Variants in TCERG1L observed in about 807,000 individuals in gnomAD.
The protein encoded by TCERG1L is transcription elongation regulator 1 like.
TCERG1L carries 37 observed loss-of-function variants against 56.3 expected under a neutral mutation model. The ratio of observed to expected loss-of-function variants is 0.66; its 90% CI spans 0.51 to 0.87. The LOEUF (loss-of-function observed/expected upper bound fraction) is 0.87, where lower values mean the gene tolerates loss of function less well. Ranked by LOEUF, TCERG1L falls within the 40% of genes least tolerant of loss-of-function variation. The pLI is 0.00. For missense variants in TCERG1L, 799 were observed against 774.2 expected (o/e 1.03, Z -0.38); for synonymous variants, 324 against 326.3 (o/e 0.99, Z 0.08).
At chr10:131,172,907 G>C (rs866983969) in intron 4 of TCERG1L, among the ~76,000 whole-genome samples, 1 of 58,406 alleles carries the variant, frequency 1.7e-5, no homozygotes, top group Admixed American at 1.7e-4. Flanking sequence ...TTTTTTTTTT[G>C]AGATGGAGTT....
At position 131,260,169 on chromosome 10, in the gene TCERG1L, G is replaced by A. The variant is rs541968298; in HGVS notation, c.856+90C>T. On this transcript the variant is annotated intron_variant, in intron 4 of 11. Transcript: ENST00000368642. This position sits in a 1 kb window ranked among gnomAD's most constrained non-coding sequence, Gnocchi z 5.8. ...GGAGCCGGGCTTCAGGTCCCACAGCGCCTGGGCCCAGGCCAGGGGCATCTA... is the reference window on the plus strand; with the variant it reads ...GGAGCCGGGCTTCAGGTCCCACAGCACCTGGGCCCAGGCCAGGGGCATCTA... 3.9e-5 allele frequency: 48 copies of A among 1,246,154 alleles called. No homozygotes were observed. The highest frequency in any genetic ancestry group is 4.3e-5 in the Non-Finnish European group (43 of 994,868). 77.2% of individuals were successfully genotyped at this position (1,246,154 alleles called of 1,614,324 possible). A position where few individuals can be genotyped will look rare whatever the true frequency, so the allele number is the denominator to read the frequency against.
Position 131,260,312 on chromosome 10 carries a change from T to G in TCERG1L, c.803A>C (p.His268Pro), listed in dbSNP as rs762386085. The change falls in exon 4 of 12, where the codon CAC becomes CCC. Residue 268 changes from histidine to proline, a missense_variant. Coordinates refer to ENST00000368642, the MANE Select transcript of TCERG1L (RefSeq NM_174937.4). The surrounding 1 kb of genome is among the most constrained non-coding windows in gnomAD (Gnocchi z 5.8). ...GPSPSSVQPR[H>P]FLTLAPIKIP... ...TTTGATGGGTGCCAAGGTCAGGAAG[T>G]GGCGCGGCTGCACGCTGGAGGGGGA... 2.1e-6 allele frequency: 3 copies of G among 1,445,798 alleles called. No individual in the cohort carries two copies. Among genetic ancestry groups the G allele is most frequent in the East Asian group, 5.5e-5 (2 of 36,168 alleles). The allele number at this position is 1,445,798 out of a possible 1,614,324, so 89.6% of individuals were successfully genotyped here.
chr10:131,298,957 C>T lies in TCERG1L; in HGVS notation c.670+9254G>A, dbSNP rs183964564. On this transcript the variant is annotated intron_variant, in intron 3 of 11. Coordinates refer to ENST00000368642, the MANE Select transcript of TCERG1L (RefSeq NM_174937.4). ...ATGCTGAAATCTCCAACTGTAAACA[C>T]GATTGTCTATTTTTTTGTTCTGTTC... 5.7e-4 allele frequency among the ~76,000 whole-genome samples: 87 copies of T among 152,222 alleles called. 1 individual carries two copies. The East Asian group carries it at 0.011, about 20-fold the overall frequency.
chr10:131,182,205 T>C (rs1457484053), intron 4 of TCERG1L, among the ~76,000 whole-genome samples: 1 of 152,220 alleles, frequency 6.6e-6, no homozygotes, highest in Non-Finnish European at 1.5e-5. Context: ...GTCTGCCGTG[T>C]GAGTGGGCAT....
chr10:131,227,113 A>T (rs1845798773), intron 4 of TCERG1L, among the ~76,000 whole-genome samples: 1 of 152,150 alleles, frequency 6.6e-6, no homozygotes, highest in African/African-American at 2.4e-5. Flanking sequence ...CCATTCAGAG[A>T]CTTGTTCTCC....
At chr10:131,305,492 A>G (rs1452815602) in intron 3 of TCERG1L, among the ~76,000 whole-genome samples, 1 of 152,122 alleles carries the variant, frequency 6.6e-6, no homozygotes. Context: ...ATTCCAACTT[A>G]GCTCAACAAA....
intron 8 of TCERG1L, among the ~76,000 whole-genome samples, chr10:131,117,987 G>A (rs865928779): frequency 3.9e-5 from 6 of 151,966 alleles, no homozygotes; most frequent in East Asian, 1.9e-4. Flanking sequence ...GCTGCCACCC[G>A]CCCCTCAGGA....
At chr10:131,205,658 T>C (rs1223144621) in intron 4 of TCERG1L, among the ~76,000 whole-genome samples, 1 of 152,086 alleles carries the variant, frequency 6.6e-6, no homozygotes, top group East Asian at 1.9e-4. Flanking sequence ...TGGCCTGGGG[T>C]CATGGGGCCA....
chr10:131,274,158 A>T (rs1589768961), intron 3 of TCERG1L, among the ~76,000 whole-genome samples: 1 of 152,314 alleles, frequency 6.6e-6, no homozygotes, highest in East Asian at 1.9e-4. Flanking sequence ...TTGATCCCAT[A>T]GACATGGGAA....
intron 4 of TCERG1L, among the ~76,000 whole-genome samples, chr10:131,203,550 C>T (rs1845476597): frequency 6.6e-6 from 1 of 152,216 alleles, no homozygotes; most frequent in South Asian, 2.1e-4. Context: ...ACGCCCCCGT[C>T]ATGTCAACCG....
intron 4 of TCERG1L, among the ~76,000 whole-genome samples, chr10:131,216,667 A>C (rs1845672493): frequency 6.6e-6 from 1 of 152,218 alleles, no homozygotes; most frequent in Non-Finnish European, 1.5e-5. Context: ...ATAGCTAAGA[A>C]AATAGCCTAA....
At position 131,267,184 on chromosome 10, in the gene TCERG1L, C is replaced by T. The variant is rs1846296576; in HGVS notation, c.671-6740G>A. On this transcript the variant is annotated intron_variant, in intron 3 of 11. Transcript: ENST00000368642. This position sits in a 1 kb window ranked among gnomAD's most constrained non-coding sequence, Gnocchi z 4.9. ...GAGTTGCCACCAGCCCCGTCTCAGC[C>T]TCCCACCTGCGCTCATTGGTGCCCA... Among the ~76,000 whole-genome samples, 1 of 152,196 alleles carries T rather than the reference C, an allele frequency of 6.6e-6. No individual in the cohort carries two copies. Among genetic ancestry groups the T allele is most frequent in the South Asian group, 2.1e-4 (1 of 4,824 alleles).
At chr10:131,185,210 A>G (rs1053398227) in intron 4 of TCERG1L, among the ~76,000 whole-genome samples, 1 of 152,232 alleles carries the variant, frequency 6.6e-6, no homozygotes, top group African/African-American at 2.4e-5. Flanking sequence ...ATGCATATGG[A>G]TATATTTTAA....
rs397816461 is a variant in TCERG1L at position 131,245,420 on chromosome 10, T to TAAA, written c.856+14836_856+14838dup. On this transcript the variant is annotated intron_variant, in intron 4 of 11. Transcript: ENST00000368642. ...TGGTTTAAAATAATAATTTTTTTTT[T>TAAA]AAAAAAACTGAGAAGTTGAAGTCGA... Among the ~76,000 whole-genome samples the TAAA allele has an allele frequency of 9.9e-3, 1,496 of 151,086 alleles. 12 individuals are homozygous for TAAA. Among genetic ancestry groups the TAAA allele is most frequent in the South Asian group, 0.024 (117 of 4,790 alleles).
Position 131,260,983 on chromosome 10 carries a change from G to A in TCERG1L, c.671-539C>T, listed in dbSNP as rs1564828304. Among the ~76,000 whole-genome samples the A allele has an allele frequency of 6.6e-6, 1 of 151,458 alleles. No homozygotes were observed. The highest frequency in any genetic ancestry group is 1.5e-5 in the Non-Finnish European group (1 of 67,788). ...TTCCAGAGGGCACCAGGCTCAGCCG[G>A]GCCCTGCAGGGAGAGGGTGGACAGG... On this transcript the variant is annotated intron_variant, in intron 3 of 11. Transcript: ENST00000368642. The surrounding 1 kb of genome is among the most constrained non-coding windows in gnomAD (Gnocchi z 5.8).
Position 131,199,325 on chromosome 10 carries a change from A to G in TCERG1L, c.857-32440T>C, listed in dbSNP as rs140769438. Reference sequence around the variant, plus strand: ...TAAGCTCTGCTTCTCTTTTGATTGTAAATTCCATTTTTAACTTGTTTCCCT... The same window carrying G: ...TAAGCTCTGCTTCTCTTTTGATTGTGAATTCCATTTTTAACTTGTTTCCCT... On this transcript the variant is annotated intron_variant, in intron 4 of 11. Transcript: ENST00000368642. Among the ~76,000 whole-genome samples, 552 of 152,236 alleles carry G rather than the reference A, an allele frequency of 3.6e-3. 2 individuals carry two copies. Among genetic ancestry groups the G allele is most frequent in the Non-Finnish European group, 6.3e-3 (431 of 68,026 alleles).
intron 9 of TCERG1L, among the ~76,000 whole-genome samples, chr10:131,109,554 C>T (rs1845390243): frequency 6.6e-6 from 1 of 152,088 alleles, no homozygotes; most frequent in Non-Finnish European, 1.5e-5. Flanking sequence ...TTGTTCTGTC[C>T]CCCCGGCTGG....
At chr10:131,150,672 T>C (rs1845853858) in intron 6 of TCERG1L, among the ~76,000 whole-genome samples, 1 of 152,162 alleles carries the variant, frequency 6.6e-6, no homozygotes, top group South Asian at 2.1e-4. Flanking sequence ...TTCTGCCCAC[T>C]GCAGAGTTTA....
chr10:131,157,820 T>C (rs1240533049), intron 6 of TCERG1L, among the ~76,000 whole-genome samples: 1 of 152,228 alleles, frequency 6.6e-6, no homozygotes, highest in African/African-American at 2.4e-5. Context: ...TAAAATACCA[T>C]GCCTGGGACA....
Sources: gnomAD v4.1 joint callset for allele counts (sites outside exome capture counted in the v4.1 genomes callset) on GRCh38, gnomAD v4.1.1 for gene constraint, Gnocchi (gnomAD v3.1) non-coding constraint, MANE v1.5 for transcripts, NCBI Gene and HGNC (gene_info 2026-07-23, HGNC 2026-07-21) for gene names.